CHST11: variants seen among roughly 807,000 people sequenced by gnomAD.
CHST11 encodes C4S-1.
CHST11 carries 9 observed loss-of-function variants against 30.4 expected under a neutral mutation model. The observed-to-expected ratio is 0.30, with a 90% CI of 0.18 to 0.52. CHST11 has a LOEUF of 0.52. Ranked by LOEUF, CHST11 falls within the 20% of genes least tolerant of loss-of-function variation. The probability of loss-of-function intolerance (pLI) is 0.97; values close to 1 mark genes in which losing one functional copy is unlikely to be tolerated. For synonymous variants in CHST11, 152 were observed against 187.8 expected (o/e 0.81, Z 1.56); for missense variants, 348 against 460.6 (o/e 0.76, Z 2.24).
intron 2 of CHST11, among the ~76,000 whole-genome samples, chr12:104,753,726 T>G (rs144990175): frequency 9.7e-4 from 147 of 152,292 alleles, no homozygotes; most frequent in South Asian, 2.5e-3. Context: ...TACCCAACAT[T>G]AAAGGTGGCC....
At chr12:104,584,212 A>G (rs1341276228) in intron 1 of CHST11, among the ~76,000 whole-genome samples, 1 of 151,698 alleles carries the variant, frequency 6.6e-6, no homozygotes, top group Admixed American at 6.6e-5. Flanking sequence ...TGTGAAAGAA[A>G]GTGTAAAAAG....
chr12:104,576,516 C>T (rs1294009335), intron 1 of CHST11, among the ~76,000 whole-genome samples: 3 of 152,178 alleles, frequency 2.0e-5, no homozygotes, highest in African/African-American at 7.2e-5. Context: ...TGTTCAAGGA[C>T]TTGGTCAGGG....
chr12:104,705,738 T>C (rs2081806), intron 2 of CHST11, among the ~76,000 whole-genome samples: 99,126 of 151,612 alleles, frequency 0.65, 34,193 homozygotes, highest in African/African-American at 0.89. Flanking sequence ...CTGGCCAACA[T>C]GGCGAAACTC....
At chr12:104,646,365 G>A (rs1035970770) in intron 2 of CHST11, among the ~76,000 whole-genome samples, 1 of 151,962 alleles carries the variant, frequency 6.6e-6, no homozygotes, top group African/African-American at 2.4e-5. Flanking sequence ...GCTTTCTCAG[G>A]GTACCTTTCC....
Position 104,545,629 on chromosome 12 carries a change from A to G in CHST11, c.119-56277A>G, listed in dbSNP as rs183610909. 2.4e-3 allele frequency among the ~76,000 whole-genome samples: 359 copies of G among 152,324 alleles called. 2 individuals carry two copies. Among genetic ancestry groups the G allele is most frequent in the African/African-American group, 8.3e-3 (346 of 41,566 alleles). The stretch of plus-strand genomic sequence containing the variant: ...CTTGGTCAGCTCAGGCTGCTGTAAC[A>G]AACAAAGGCACGTTTCTTATAAACA... On this transcript the variant is annotated intron_variant, in intron 1 of 2. Transcript: ENST00000303694.
At chr12:104,513,921 A>G (rs553572057) in intron 1 of CHST11, 65 of 500,474 alleles carry the variant, frequency 1.3e-4, no homozygotes, top group African/African-American at 1.2e-3. Context: ...GTGTTGCTAT[A>G]AAGGAATACC....
At chr12:104,528,599 GAA>G in intron 1 of CHST11, among the ~76,000 whole-genome samples, 1 of 152,294 alleles carries the variant, frequency 6.6e-6, no homozygotes, top group Non-Finnish European at 1.5e-5. Context: ...TTTAGATATG[GAA>G]AAAGAGACCT....
intron 2 of CHST11, among the ~76,000 whole-genome samples, chr12:104,695,684 A>AT (rs1450974555): frequency 2.6e-5 from 4 of 152,066 alleles, no homozygotes; most frequent in South Asian, 2.1e-4. Context: ...CAATTGATAG[A>AT]TTTTTTTAAT....
intron 2 of CHST11, among the ~76,000 whole-genome samples, chr12:104,633,575 C>T (rs367987429): frequency 2.6e-5 from 4 of 151,768 alleles, no homozygotes; most frequent in African/African-American, 7.3e-5. Flanking sequence ...CCACCACACT[C>T]GGCTCATTTT....
chr12:104,579,643 A>G (rs1216269098), intron 1 of CHST11, among the ~76,000 whole-genome samples: 2 of 152,202 alleles, frequency 1.3e-5, no homozygotes, highest in Admixed American at 1.3e-4. Flanking sequence ...TTCATTTGTC[A>G]ATGTGTGGAT....
At chr12:104,675,941 G>A (rs918538602) in intron 2 of CHST11, among the ~76,000 whole-genome samples, 1 of 152,156 alleles carries the variant, frequency 6.6e-6, no homozygotes, top group African/African-American at 2.4e-5. Flanking sequence ...GTGTGCTGTG[G>A]TCAGGAGGTG....
At chr12:104,619,293 G>C (rs1592797735) in intron 2 of CHST11, among the ~76,000 whole-genome samples, 1 of 152,346 alleles carries the variant, frequency 6.6e-6, no homozygotes, top group East Asian at 1.9e-4. Flanking sequence ...ACCAGGACTG[G>C]GTTTGCTCAG....
intron 1 of CHST11, among the ~76,000 whole-genome samples, chr12:104,569,106 G>C (rs1306456846): frequency 6.6e-6 from 1 of 152,140 alleles, no homozygotes; most frequent in African/African-American, 2.4e-5. Context: ...GAGAGGGTTA[G>C]TATCCACGGT....
intron 2 of CHST11, among the ~76,000 whole-genome samples, chr12:104,733,055 G>A (rs1369251783): frequency 6.6e-6 from 1 of 152,218 alleles, no homozygotes; most frequent in Admixed American, 6.5e-5. Flanking sequence ...GGAAACTGAG[G>A]CCCAGACCAG....
chr12:104,708,903 T>C (rs2040060677), intron 2 of CHST11, among the ~76,000 whole-genome samples: 1 of 152,168 alleles, frequency 6.6e-6, no homozygotes, highest in Admixed American at 6.5e-5. Flanking sequence ...CATTTTCACC[T>C]TAGTAGCTTC....
chr12:104,562,207 T>G (rs940390767), intron 1 of CHST11, among the ~76,000 whole-genome samples: 2 of 152,034 alleles, frequency 1.3e-5, no homozygotes, highest in African/African-American at 4.8e-5. Context: ...GAAATACGGG[T>G]CACCACGGAG....
At chr12:104,688,857 G>A (rs2039871819) in intron 2 of CHST11, among the ~76,000 whole-genome samples, 1 of 152,188 alleles carries the variant, frequency 6.6e-6, no homozygotes, top group Admixed American at 6.5e-5. Context: ...GCATGGTGAT[G>A]AGCCTGCAGG....
intron 1 of CHST11, among the ~76,000 whole-genome samples, chr12:104,511,858 G>T (rs1413727784): frequency 6.6e-6 from 1 of 152,154 alleles, no homozygotes; most frequent in African/African-American, 2.4e-5. Context: ...ATCCATGGGG[G>T]ATTGGTTCCA....
intron 1 of CHST11, among the ~76,000 whole-genome samples, chr12:104,495,677 T>C (rs953715094): frequency 6.6e-6 from 1 of 152,186 alleles, no homozygotes; most frequent in Non-Finnish European, 1.5e-5. Context: ...ATGACTTAAT[T>C]CTCATTACAT....
Sources: allele counts gnomAD v4.1 joint callset (sites outside exome capture counted in the v4.1 genomes callset), GRCh38; gene constraint gnomAD v4.1.1; transcripts MANE v1.5; gene names NCBI Gene and HGNC (gene_info 2026-07-23, HGNC 2026-07-21).